The following KSR1 variants were observed in gnomAD, a reference collection of about 807,000 sequenced individuals.
The protein encoded by KSR1 is kinase suppressor of ras.
Under a neutral mutation model 92.9 loss-of-function variants are expected in KSR1, and 35 were observed. The observed-to-expected ratio is 0.38, with a 90% CI of 0.29 to 0.50. The LOEUF (loss-of-function observed/expected upper bound fraction) is 0.50. Among genes scored for constraint, KSR1 ranks in the 20% least tolerant of loss-of-function variants. The pLI is 0.94. For missense variants in KSR1, 972 were observed against 1,158.5 expected (o/e 0.84, Z 2.34); for synonymous variants, 467 against 472.6 (o/e 0.99, Z 0.15).
chr17:27,491,038 T>C (rs2068806751), intron 1 of KSR1, among the ~76,000 whole-genome samples: 2 of 152,020 alleles, frequency 1.3e-5, no homozygotes, highest in Non-Finnish European at 2.9e-5. Flanking sequence ...TAAAAAACCA[T>C]ATGTATATGT....
chr17:27,470,240 G>GTTT (rs546302787), intron 1 of KSR1, among the ~76,000 whole-genome samples: 4 of 114,380 alleles, frequency 3.5e-5, no homozygotes, highest in Admixed American at 8.9e-5. Flanking sequence ...TTTTGTTTGT[G>GTTT]TTTTTTTTTT....
At chr17:27,564,330 G>A (rs2071970323) in intron 2 of KSR1, among the ~76,000 whole-genome samples, 2 of 152,196 alleles carry the variant, frequency 1.3e-5, no homozygotes, top group African/African-American at 4.8e-5. Context: ...TGGATAGATG[G>A]ACAAATGGAA....
intron 1 of KSR1, among the ~76,000 whole-genome samples, chr17:27,543,075 C>T (rs1194484284): frequency 6.6e-6 from 1 of 152,238 alleles, no homozygotes; most frequent in Admixed American, 6.5e-5. Flanking sequence ...GCTGCACTTC[C>T]AGCCAGTCCA....
intron 18 of KSR1, among the ~76,000 whole-genome samples, 182 bp downstream of exon 18, chr17:27,611,811 C>T (rs949875282): frequency 1.3e-5 from 2 of 151,926 alleles, no homozygotes; most frequent in African/African-American, 4.8e-5. Flanking sequence ...AACAGGGAGG[C>T]ATAAATAAGA....
At position 27,611,480 on chromosome 17, in the gene KSR1, C is replaced by G. The variant is rs762962057; in HGVS notation, c.2358-14C>G. 5.0e-6 allele frequency: 8 copies of G among 1,613,638 alleles called. No homozygotes were observed. Among genetic ancestry groups the G allele is most frequent in the Middle Eastern group, 1.6e-4 (1 of 6,078 alleles). ...GCGGCCCAGGAGCTCACAGACATGG[C>G]TGGGTCTCTGCAGGACTGTTTGGTA... is the stretch of plus-strand genomic sequence containing the variant. On this transcript the variant is annotated splice_polypyrimidine_tract_variant and intron_variant, in intron 17 of 20. Coordinates refer to ENST00000644974, the MANE Select transcript of KSR1 (RefSeq NM_001394583.1).
intron 1 of KSR1, among the ~76,000 whole-genome samples, chr17:27,474,287 C>G (rs1476724881): frequency 1.3e-5 from 2 of 152,196 alleles, no homozygotes; most frequent in Non-Finnish European, 2.9e-5. Context: ...GCAAACAGGC[C>G]CCTGTCACCC....
At chr17:27,587,879 G>T (rs1324461764) in intron 5 of KSR1, among the ~76,000 whole-genome samples, 3 of 152,194 alleles carry the variant, frequency 2.0e-5, no homozygotes, top group Non-Finnish European at 4.4e-5. Flanking sequence ...AGAGGCTCAG[G>T]CTTGTACCTG....
intron 1 of KSR1, among the ~76,000 whole-genome samples, chr17:27,481,543 C>G (rs963804038): frequency 7.9e-5 from 12 of 152,196 alleles, no homozygotes; most frequent in African/African-American, 2.9e-4. Context: ...AGCCTCATGG[C>G]TTCCTGTCGT....
intron 1 of KSR1, among the ~76,000 whole-genome samples, chr17:27,540,205 C>G (rs1182020920): frequency 1.3e-5 from 2 of 152,240 alleles, no homozygotes; most frequent in Non-Finnish European, 2.9e-5. Flanking sequence ...ATCAGTGCTT[C>G]CATACAGGGT....
At position 27,505,389 on chromosome 17, in the gene KSR1, G is replaced by A. The variant is rs546887225; in HGVS notation, c.232-45179G>A. Among the ~76,000 whole-genome samples, 4 of 152,346 alleles carry A rather than the reference G, an allele frequency of 2.6e-5. No homozygotes were observed. The South Asian group carries it at 8.3e-4, about 32-fold the overall frequency. On this transcript the variant is annotated intron_variant, in intron 1 of 20. Transcript: ENST00000644974. ...CCCCTTCTCTGTCCTCATTAACCCA[G>A]GAGGGATTAGTTCTTCATCCAAGAA...
In KSR1 at chr17:27,592,381, G is replaced by A. The variant is rs765572694; in HGVS notation, c.1151G>A (p.Cys384Tyr). ...ACCAGGTTGAAGTGTCACAACAAAT[G>A]TACCAAAGAAGCCCCTGCCTGTAGA... is the stretch of plus-strand genomic sequence containing the variant. ...KHCRLKCHNK[C>Y]TKEAPACRIS... is the part of the protein sequence containing the mutation. Residue 384 changes from cysteine (C) to tyrosine (Y), a missense_variant, in exon 8 of 21, where the codon TGT becomes TAT. Around this residue, in one of 5 missense-constraint regions of KSR1, gnomAD observed 611 missense variants for 668.0 expected, o/e 0.91. Transcript: ENST00000644974. 4 of 1,613,830 alleles carry A rather than the reference G, an allele frequency of 2.5e-6. No homozygotes were observed. Among genetic ancestry groups the A allele is most frequent in the Non-Finnish European group, 3.4e-6 (4 of 1,179,868 alleles).
intron 11 of KSR1, among the ~76,000 whole-genome samples, chr17:27,603,136 G>T (rs2073625657): frequency 6.6e-6 from 1 of 152,226 alleles, no homozygotes; most frequent in South Asian, 2.1e-4. Context: ...GTAACCTTTG[G>T]TTCTGGTCTT....
At chr17:27,462,865 C>T (rs1172363435) in intron 1 of KSR1, among the ~76,000 whole-genome samples, 2 of 152,204 alleles carry the variant, frequency 1.3e-5, no homozygotes, top group African/African-American at 4.8e-5. Context: ...GTGGCACATA[C>T]CATGTGCATT....
intron 1 of KSR1, among the ~76,000 whole-genome samples, chr17:27,461,610 G>A (rs2019440665): frequency 6.6e-6 from 1 of 152,178 alleles, no homozygotes; most frequent in Non-Finnish European, 1.5e-5. Context: ...ACTTTCACCC[G>A]GGTAACTTTT....
At chr17:27,456,935 C>T (rs2019200230) in intron 1 of KSR1, 61 bp downstream of exon 1, 5 of 742,192 alleles carry the variant, frequency 6.7e-6, no homozygotes, top group East Asian at 5.1e-5. Flanking sequence ...CCCTCCGGGC[C>T]CCAGTACTCC....
At chr17:27,586,011 C>A in intron 5 of KSR1, 1 of 331,424 alleles carries the variant, frequency 3.0e-6, no homozygotes, top group Non-Finnish European at 5.6e-6. Flanking sequence ...AAGCAGCACC[C>A]CTGGGAAGGC....
chr17:27,587,811 C>T (rs899190339), intron 5 of KSR1: 1 of 152,408 alleles, frequency 6.6e-6, no homozygotes, highest in Non-Finnish European at 1.5e-5. Context: ...GCAGCAGGGG[C>T]ATCCCAAAGC....
At chr17:27,599,129 CTGT>C (rs1020162797) in intron 10 of KSR1, among the ~76,000 whole-genome samples, 61 of 152,332 alleles carry the variant, frequency 4.0e-4, no homozygotes, top group African/African-American at 1.3e-3. Flanking sequence ...GTGGTGTAGC[CTGT>C]TGTTTCTAGA....
chr17:27,587,343 T>G (rs1314653246), intron 5 of KSR1: 1 of 152,260 alleles, frequency 6.6e-6, no homozygotes, highest in Non-Finnish European at 1.5e-5. Flanking sequence ...CAGCACACCC[T>G]TCTCATGGAG....
Sources: allele counts gnomAD v4.1 joint callset (sites outside exome capture counted in the v4.1 genomes callset), GRCh38; gene constraint gnomAD v4.1.1; regional missense constraint gnomAD v4.1.1; transcripts MANE v1.5; gene names NCBI Gene and HGNC (gene_info 2026-07-23, HGNC 2026-07-21).